Variants in CEP85L observed in about 807,000 individuals in gnomAD.
CEP85L encodes the protein centrosomal protein of 85 kDa-like.
Under a neutral mutation model 100.3 loss-of-function variants are expected in CEP85L, and 60 were observed. That is an observed-to-expected ratio of 0.60 (90% CI 0.49 to 0.74). The LOEUF is 0.74. Among genes scored for constraint, CEP85L ranks in the 30% least tolerant of loss-of-function variants. The probability of loss-of-function intolerance (pLI) is 0.00; values close to 1 mark genes in which losing one functional copy is unlikely to be tolerated. For missense variants in CEP85L, 973 were observed against 936.2 expected, an observed-to-expected ratio of 1.04 and a Z score of -0.51; for synonymous variants, 319 against 322.7, an observed-to-expected ratio of 0.99 and a Z score of 0.12.
At position 118,486,470 on chromosome 6, in the gene CEP85L, A is replaced by G. The variant is rs144809863; in HGVS notation, c.1438-2612T>C. ...GAAAGAACTCAAAGGTAACATTATT[A>G]TTACCACATTGTTTTTTCTGTCATA... is the stretch of plus-strand genomic sequence containing the variant. On this transcript the variant is annotated intron_variant, in intron 6 of 12. Transcript: ENST00000368491. Among the ~76,000 whole-genome samples the G allele has an allele frequency of 3.4e-3, 516 of 152,350 alleles. 4 individuals are homozygous for G. Among genetic ancestry groups the G allele is most frequent in the African/African-American group, 0.012 (499 of 41,604 alleles).
At chr6:118,612,684 G>T (rs180947491) in intron 2 of CEP85L, among the ~76,000 whole-genome samples, 1 of 4,180 alleles carries the variant, frequency 2.4e-4, no homozygotes, top group Non-Finnish European at 9.6e-4. Flanking sequence ...AGCGGGGGGG[G>T]GGGGGGGGGA....
chr6:118,552,077 A>C (rs1249915087), intron 3 of CEP85L, among the ~76,000 whole-genome samples: 5 of 152,072 alleles, frequency 3.3e-5, no homozygotes, highest in African/African-American at 1.2e-4. Flanking sequence ...AGAAAATTCT[A>C]ATCTTCTAAA....
chr6:118,468,809 C>T (rs1477761740), intron 12 of CEP85L, among the ~76,000 whole-genome samples: 9 of 152,124 alleles, frequency 5.9e-5, no homozygotes, highest in Admixed American at 3.9e-4. Flanking sequence ...GGAAGTCACA[C>T]CTAACTACCA....
intron 1 of CEP85L, among the ~76,000 whole-genome samples, chr6:118,689,925 T>A (rs1252218807): frequency 6.6e-6 from 1 of 151,758 alleles, no homozygotes; most frequent in East Asian, 1.9e-4. Flanking sequence ...GCTTTTTTTT[T>A]TTTTTTTTAA....
At chr6:118,601,928 A>G (rs1241751036) in intron 2 of CEP85L, among the ~76,000 whole-genome samples, 1 of 152,152 alleles carries the variant, frequency 6.6e-6, no homozygotes, top group East Asian at 1.9e-4. Flanking sequence ...CTGACCTCCT[A>G]TCTCATCCTG....
chr6:118,520,102 G>A (rs2114767700), intron 4 of CEP85L, among the ~76,000 whole-genome samples: 1 of 152,260 alleles, frequency 6.6e-6, no homozygotes, highest in Non-Finnish European at 1.5e-5. Flanking sequence ...ACTTAATGGT[G>A]AAAGGCTGAA....
intron 2 of CEP85L, among the ~76,000 whole-genome samples, chr6:118,604,129 C>G (rs1772011750): frequency 6.6e-6 from 1 of 152,148 alleles, no homozygotes; most frequent in Non-Finnish European, 1.5e-5. Flanking sequence ...CCAAATAAGC[C>G]AAATTTCACC....
At chr6:118,564,937 T>C (rs1250933746) in intron 3 of CEP85L, 1 of 152,410 alleles carries the variant, frequency 6.6e-6, no homozygotes, top group African/African-American at 2.4e-5. Flanking sequence ...TCTTTATATA[T>C]GATATCATCA....
intron 2 of CEP85L, among the ~76,000 whole-genome samples, chr6:118,573,508 T>TA (rs71818197): frequency 6.6e-6 from 1 of 152,210 alleles, no homozygotes; most frequent in African/African-American, 2.4e-5. Flanking sequence ...TGATTAAATC[T>TA]AAAAAACAGT....
chr6:118,618,158 G>A (rs1462814072), intron 2 of CEP85L, among the ~76,000 whole-genome samples: 3 of 152,280 alleles, frequency 2.0e-5, no homozygotes, highest in Admixed American at 1.3e-4. Flanking sequence ...CCCCACCAGA[G>A]GCTCCCACAG....
intron 3 of CEP85L, among the ~76,000 whole-genome samples, chr6:118,524,224 G>T (rs533440767): frequency 5.3e-5 from 8 of 152,274 alleles, no homozygotes; most frequent in African/African-American, 1.9e-4. Context: ...ACTTTGGGAG[G>T]CCGAGGTCAG....
chr6:118,686,063 G>A (rs901212782), intron 1 of CEP85L, among the ~76,000 whole-genome samples: 6 of 152,194 alleles, frequency 3.9e-5, no homozygotes, highest in Non-Finnish European at 8.8e-5. Flanking sequence ...GACCATGAAA[G>A]GCCAGCGCAG....
At chr6:118,466,119 A>G (rs1471899664) in intron 12 of CEP85L, among the ~76,000 whole-genome samples, 1 of 152,142 alleles carries the variant, frequency 6.6e-6, no homozygotes, top group African/African-American at 2.4e-5. Context: ...ATCCCAAACA[A>G]TTTAATCAGG....
Position 118,483,778 on chromosome 6 carries a change from T to C in CEP85L, c.1518A>G (p.Arg506=). The part of the protein sequence containing the change: ...KESEQNKEKQ[R]RIETLEKYLA... ...GATACTTTTCCAAGGTCTCAATTCT[T>C]CTCTGCTTTTCTTTGTTTTGTTCAG... Residue 506 remains arginine, a synonymous_variant, in exon 7 of 13, where the codon AGA becomes AGG. Transcript: ENST00000368491. The C allele has an allele frequency of 6.2e-7, 1 of 1,613,840 alleles. No individual in the cohort carries two copies. Among genetic ancestry groups the C allele is most frequent in the South Asian group, 1.1e-5 (1 of 91,070 alleles).
intron 1 of CEP85L, among the ~76,000 whole-genome samples, chr6:118,658,133 G>C (rs1353354740): frequency 6.6e-6 from 1 of 152,058 alleles, no homozygotes; most frequent in East Asian, 1.9e-4. Context: ...TGGAGGTCTG[G>C]AATTTTAACA....
intron 2 of CEP85L, among the ~76,000 whole-genome samples, chr6:118,611,734 A>G (rs1173836596): frequency 6.6e-6 from 1 of 152,210 alleles, no homozygotes; most frequent in Non-Finnish European, 1.5e-5. Flanking sequence ...AGCTTTGGAG[A>G]AAATAAAATT....
chr6:118,524,157 T>C (rs115204520), intron 3 of CEP85L, among the ~76,000 whole-genome samples: 1,829 of 152,232 alleles, frequency 0.012, 29 homozygotes, highest in African/African-American at 0.042. Context: ...TCCTGGCAAA[T>C]TATAAAACTA....
chr6:118,531,040 A>G (rs915541827), intron 3 of CEP85L, among the ~76,000 whole-genome samples: 6 of 152,238 alleles, frequency 3.9e-5, no homozygotes, highest in African/African-American at 1.4e-4. Flanking sequence ...AACAGCCTGA[A>G]TAGCCTAGGC....
intron 5 of CEP85L, among the ~76,000 whole-genome samples, chr6:118,499,651 G>A (rs1179536420): frequency 6.6e-6 from 1 of 151,858 alleles, no homozygotes; most frequent in Non-Finnish European, 1.5e-5. Flanking sequence ...GGGACAGAGT[G>A]AGACTCTGTC....
Sources: gnomAD v4.1 joint callset for allele counts (sites outside exome capture counted in the v4.1 genomes callset) on GRCh38, gnomAD v4.1.1 for gene constraint, MANE v1.5 for transcripts, NCBI Gene and HGNC (gene_info 2026-07-23, HGNC 2026-07-21) for gene names.